MIGA1: variants seen among roughly 807,000 people sequenced by gnomAD.
MIGA1 encodes the protein mitoguardin 1, also known as family with sequence similarity 73, member A.
In MIGA1, 58 loss-of-function variants were observed where a neutral mutation model predicts 82.0. The observed-to-expected ratio is 0.71, with a 90% CI of 0.57 to 0.88. The LOEUF is 0.88. Among genes scored for constraint, MIGA1 ranks in the 40% least tolerant of loss-of-function variants. MIGA1 has a pLI of 0.00. For synonymous variants in MIGA1, 249 were observed against 253.6 expected, an observed-to-expected ratio of 0.98 and a Z score of 0.17; for missense variants, 751 against 749.1, an observed-to-expected ratio of 1.00 and a Z score of -0.03.
intron 2 of MIGA1, among the ~76,000 whole-genome samples, chr1:77,792,613 A>G (rs969813614): frequency 6.6e-6 from 1 of 152,210 alleles, no homozygotes; most frequent in Admixed American, 6.5e-5. Flanking sequence ...ATACTCAGTT[A>G]CACTAATAGT....
intron 8 of MIGA1, chr1:77,847,549 A>G: frequency 6.7e-7 from 1 of 1,488,130 alleles, no homozygotes; most frequent in East Asian, 2.3e-5. Context: ...GGAGAGTTTG[A>G]TGATAAAGAG....
At chr1:77,807,778 G>A (rs1345711634) in intron 5 of MIGA1, among the ~76,000 whole-genome samples, 2 of 151,856 alleles carry the variant, frequency 1.3e-5, no homozygotes, top group Non-Finnish European at 2.9e-5. Flanking sequence ...CTTTGTCTTC[G>A]TGTCACATTC....
intron 8 of MIGA1, among the ~76,000 whole-genome samples, chr1:77,849,369 C>A (rs1684961755): frequency 6.6e-6 from 1 of 152,146 alleles, no homozygotes; most frequent in African/African-American, 2.4e-5. Flanking sequence ...TGCACTCCAA[C>A]CTGGGCGACA....
chr1:77,859,878 C>CT, intron 10 of MIGA1, 162 bp from the exon 11 acceptor site: 1 of 544,098 alleles, frequency 1.8e-6, no homozygotes, highest in Non-Finnish European at 3.2e-6. Flanking sequence ...TTCAAGAGTT[C>CT]TTTTTATTTT....
intron 5 of MIGA1, among the ~76,000 whole-genome samples, chr1:77,812,941 G>C (rs909862580): frequency 3.3e-5 from 5 of 152,044 alleles, no homozygotes; most frequent in African/African-American, 1.2e-4. Context: ...GGTGGAAAAG[G>C]CTTTTATTTT....
At chr1:77,847,074 C>T (rs1300371124) in intron 8 of MIGA1, 7 of 773,072 alleles carry the variant, frequency 9.1e-6, no homozygotes, top group African/African-American at 1.7e-5. Context: ...ACTACACCAA[C>T]AGTAGGGCCA....
At chr1:77,843,467 T>C in intron 8 of MIGA1, 60 bp downstream of exon 8, 2 of 1,264,756 alleles carry the variant, frequency 1.6e-6, no homozygotes, top group South Asian at 1.2e-5. Context: ...AACAACAGTC[T>C]TGTCATTATA....
intron 14 of MIGA1, chr1:77,868,272 G>C (rs867941216): frequency 1.3e-5 from 2 of 152,114 alleles, no homozygotes; most frequent in African/African-American, 2.4e-5. Context: ...TGTCGCCCAG[G>C]CTGGAGTGCA....
chr1:77,854,364 A>T (rs962527848), intron 8 of MIGA1, among the ~76,000 whole-genome samples: 4 of 152,178 alleles, frequency 2.6e-5, no homozygotes, highest in African/African-American at 9.7e-5. Flanking sequence ...ATAAACATGC[A>T]TGTGCAAGTA....
intron 7 of MIGA1, among the ~76,000 whole-genome samples, chr1:77,822,392 C>G (rs1251592196): frequency 6.6e-6 from 1 of 152,140 alleles, no homozygotes; most frequent in African/African-American, 2.4e-5. Context: ...TACCTATGCA[C>G]TCTAGCCTGG....
chr1:77,874,183 T>C (rs1355451962), intron 15 of MIGA1, among the ~76,000 whole-genome samples: 1 of 152,184 alleles, frequency 6.6e-6, no homozygotes, highest in South Asian at 2.1e-4. Context: ...TTTTCTATTA[T>C]GGTGACATAA....
intron 7 of MIGA1, among the ~76,000 whole-genome samples, chr1:77,840,512 A>T (rs1684588544): frequency 6.6e-6 from 1 of 152,166 alleles, no homozygotes; most frequent in Non-Finnish European, 1.5e-5. Flanking sequence ...TGTAAATTTA[A>T]TCCCACTCTC....
intron 7 of MIGA1, among the ~76,000 whole-genome samples, chr1:77,827,367 G>C (rs557200842): frequency 1.3e-5 from 2 of 152,104 alleles, no homozygotes; most frequent in Non-Finnish European, 2.9e-5. Context: ...TCAGCTACTT[G>C]GGAGGCTGAG....
intron 7 of MIGA1, among the ~76,000 whole-genome samples, chr1:77,832,586 C>G (rs780183819): frequency 2.6e-5 from 4 of 152,162 alleles, no homozygotes; most frequent in Non-Finnish European, 4.4e-5. Context: ...GCTAGGGAGA[C>G]AGTTGAGAAA....
chr1:77,871,132 G>A (rs1226697431), intron 14 of MIGA1, among the ~76,000 whole-genome samples: 6 of 149,618 alleles, frequency 4.0e-5, no homozygotes, highest in Admixed American at 2.0e-4. Context: ...AGAGGAGGGA[G>A]AGGGAGAGGG....
intron 7 of MIGA1, among the ~76,000 whole-genome samples, chr1:77,831,091 C>G (rs1376574018): frequency 6.6e-6 from 1 of 152,222 alleles, no homozygotes; most frequent in Non-Finnish European, 1.5e-5. Context: ...TCCATTTCTT[C>G]CCATACCTCA....
chr1:77,874,746 G>T, intron 15 of MIGA1, 100 bp from the exon 16 acceptor site: 5 of 773,192 alleles, frequency 6.5e-6, no homozygotes, highest in African/African-American at 1.8e-5. Flanking sequence ...TGGAAGTCAG[G>T]TCTTCTGAGT....
intron 8 of MIGA1, among the ~76,000 whole-genome samples, chr1:77,857,832 C>T (rs1034661449): frequency 4.1e-5 from 6 of 147,142 alleles, no homozygotes; most frequent in African/African-American, 1.5e-4. Flanking sequence ...GTTATGCTAG[C>T]CAAAAGCACG....
chr1:77,835,965 GA>G (rs754699012), intron 7 of MIGA1, among the ~76,000 whole-genome samples: 9 of 151,738 alleles, frequency 5.9e-5, no homozygotes, highest in East Asian at 5.8e-4. Flanking sequence ...AGAAAAAAAA[GA>G]AAAAAAGAAA....
Sources: gnomAD v4.1 joint callset for allele counts (sites outside exome capture counted in the v4.1 genomes callset) on GRCh38, gnomAD v4.1.1 for gene constraint, MANE v1.5 for transcripts, NCBI Gene and HGNC (gene_info 2026-07-23, HGNC 2026-07-21) for gene names.